Variants in LYPLAL1 observed in about 807,000 individuals in gnomAD.
LYPLAL1 encodes the protein lysophospholipase-like protein 1.
A neutral mutation model predicts 19.7 loss-of-function variants in LYPLAL1; 23 were observed. The observed-to-expected ratio is 1.17, with a 90% CI of 0.84 to 1.65. The LOEUF (loss-of-function observed/expected upper bound fraction) is 1.65, where lower values mean the gene tolerates loss of function less well. Among genes scored for constraint, LYPLAL1 ranks in the 40% most tolerant of loss-of-function variants. LYPLAL1 has a pLI of 0.00. For synonymous variants in LYPLAL1, 119 were observed against 96.3 expected, an observed-to-expected ratio of 1.24 and a Z score of -1.38; for missense variants, 355 against 279.4, an observed-to-expected ratio of 1.27 and a Z score of -1.93.
At chr1:219,307,696 G>T in the LYPLAL1 span, among the ~76,000 whole-genome samples, 1 of 152,284 alleles carries the variant, frequency 6.6e-6, no homozygotes, top group Admixed American at 6.5e-5. Flanking sequence ...CCCAAGTGTT[G>T]TGGGAGGGAC....
the LYPLAL1 span, among the ~76,000 whole-genome samples, chr1:219,343,265 G>A: frequency 3.3e-5 from 5 of 152,148 alleles, no homozygotes; most frequent in African/African-American, 4.8e-5. Flanking sequence ...ATGAGCCCAA[G>A]GTCCTAGGGG....
chr1:219,293,764 A>G, the LYPLAL1 span, among the ~76,000 whole-genome samples: 90 of 152,364 alleles, frequency 5.9e-4, no homozygotes, highest in South Asian at 0.018. Flanking sequence ...TTAATACACA[A>G]TATATCCAGA....
At chr1:219,351,966 T>C in the LYPLAL1 span, among the ~76,000 whole-genome samples, 1 of 152,220 alleles carries the variant, frequency 6.6e-6, no homozygotes, top group Non-Finnish European at 1.5e-5. Context: ...GCTTTGTAAC[T>C]TCTAATTCTA....
intron 3 of LYPLAL1, among the ~76,000 whole-genome samples, chr1:219,208,237 C>G (rs1421221311): frequency 6.6e-6 from 1 of 151,998 alleles, no homozygotes; most frequent in Non-Finnish European, 1.5e-5. Context: ...TTTACAGTAA[C>G]TGTACATTTT....
At chr1:219,180,186 T>C (rs978182645) in intron 2 of LYPLAL1, among the ~76,000 whole-genome samples, 1 of 152,118 alleles carries the variant, frequency 6.6e-6, no homozygotes, top group Admixed American at 6.6e-5. Context: ...GGTTTTGCCA[T>C]GTTGGCTAGG....
chr1:219,198,736 T>C (rs1016521387), intron 3 of LYPLAL1: 1 of 152,188 alleles, frequency 6.6e-6, no homozygotes, highest in Non-Finnish European at 1.5e-5. Flanking sequence ...GCTAAAGCTA[T>C]GTTTTAATAT....
chr1:219,372,878 T>G, the LYPLAL1 span, among the ~76,000 whole-genome samples: 1 of 152,066 alleles, frequency 6.6e-6, no homozygotes, highest in Non-Finnish European at 1.5e-5. Context: ...CACTCCAGCC[T>G]GGGCTACACA....
the LYPLAL1 span, among the ~76,000 whole-genome samples, chr1:219,237,072 C>T: frequency 6.6e-6 from 1 of 152,026 alleles, no homozygotes; most frequent in African/African-American, 2.4e-5. Context: ...CTAAAATTTC[C>T]CACTGAGTAT....
chr1:219,197,857 A>T (rs1427285925), intron 3 of LYPLAL1, among the ~76,000 whole-genome samples: 1 of 152,180 alleles, frequency 6.6e-6, no homozygotes, highest in Non-Finnish European at 1.5e-5. Flanking sequence ...ATCTTAAATG[A>T]AGTTAAACAC....
the LYPLAL1 span, among the ~76,000 whole-genome samples, chr1:219,401,706 A>C: frequency 6.6e-6 from 1 of 152,306 alleles, no homozygotes; most frequent in East Asian, 1.9e-4. Context: ...CCATGTGTAT[A>C]ATTATCCTGA....
chr1:219,408,133 A>T, the LYPLAL1 span, among the ~76,000 whole-genome samples: 1 of 152,146 alleles, frequency 6.6e-6, no homozygotes, highest in Non-Finnish European at 1.5e-5. Flanking sequence ...CCTTAAGCAG[A>T]TGGAGTCTTA....
the LYPLAL1 span, among the ~76,000 whole-genome samples, chr1:219,391,986 A>G: frequency 3.3e-5 from 5 of 152,162 alleles, no homozygotes; most frequent in Non-Finnish European, 7.4e-5. Context: ...GTCACTGGAT[A>G]TAAAATTACT....
the LYPLAL1 span, among the ~76,000 whole-genome samples, chr1:219,280,678 A>AT: frequency 3.3e-5 from 5 of 152,072 alleles, no homozygotes; most frequent in Admixed American, 6.6e-5. Flanking sequence ...ATATGCATTG[A>AT]TTTTTTTTGC....
downstream of LYPLAL1, among the ~76,000 whole-genome samples, chr1:219,216,044 T>C (rs891508554): frequency 1.3e-5 from 2 of 152,122 alleles, no homozygotes; most frequent in Admixed American, 1.3e-4. Context: ...TCCTTCTGCC[T>C]GAAATACTTC....
At chr1:219,377,946 T>C in the LYPLAL1 span, among the ~76,000 whole-genome samples, 61 of 152,336 alleles carry the variant, frequency 4.0e-4, no homozygotes, top group South Asian at 8.3e-4. Context: ...AATTCAATTC[T>C]GCAACTGTAG....
the LYPLAL1 span, among the ~76,000 whole-genome samples, chr1:219,390,528 C>A: frequency 4.6e-5 from 7 of 152,148 alleles, no homozygotes; most frequent in Non-Finnish European, 1.0e-4. Flanking sequence ...AATATGACGA[C>A]CTTTGCCGAC....
chr1:219,401,936 T>C, the LYPLAL1 span, among the ~76,000 whole-genome samples: 1 of 152,164 alleles, frequency 6.6e-6, no homozygotes, highest in Non-Finnish European at 1.5e-5. Context: ...TGGTCAATTG[T>C]TAGCAATAAG....
At chr1:219,302,905 TTGG>T in the LYPLAL1 span, among the ~76,000 whole-genome samples, 1 of 152,164 alleles carries the variant, frequency 6.6e-6, no homozygotes, top group African/African-American at 2.4e-5. Context: ...TCACCACTCG[TTGG>T]TGGGATCTTT....
chr1:219,294,702 G>A, the LYPLAL1 span, among the ~76,000 whole-genome samples: 2 of 152,158 alleles, frequency 1.3e-5, no homozygotes, highest in African/African-American at 2.4e-5. Flanking sequence ...TTGACCTCAA[G>A]CCTTCCCACA....
Sources: allele counts gnomAD v4.1 joint callset (sites outside exome capture counted in the v4.1 genomes callset), GRCh38; gene constraint gnomAD v4.1.1; transcripts MANE v1.5; gene names NCBI Gene and HGNC (gene_info 2026-07-23, HGNC 2026-07-21).